Variants in HCN1 observed in about 807,000 individuals in gnomAD.
HCN1 encodes potassium/sodium hyperpolarization-activated cyclic nucleotide-gated channel 1.
Under a neutral mutation model 78.9 loss-of-function variants are expected in HCN1, and 13 were observed. The observed-to-expected ratio is 0.16, with a 90% CI of 0.11 to 0.26. The LOEUF (loss-of-function observed/expected upper bound fraction) is 0.26. HCN1 is among the 10% of genes least tolerant of loss of function. The probability of loss-of-function intolerance (pLI) is 1.00; values close to 1 mark genes in which losing one functional copy is unlikely to be tolerated. For synonymous variants in HCN1, 552 were observed against 455.5 expected, an observed-to-expected ratio of 1.21 and a Z score of -2.70; for missense variants, 810 against 1,154.3, an observed-to-expected ratio of 0.70 and a Z score of 4.32.
At chr5:45,443,295 A>T (rs979587316) in intron 3 of HCN1, among the ~76,000 whole-genome samples, 2 of 152,080 alleles carry the variant, frequency 1.3e-5, no homozygotes, top group African/African-American at 4.8e-5. Context: ...ACTATCAGGT[A>T]CTTTCTCCAT....
chr5:45,375,274 A>T (rs1309288113), intron 4 of HCN1, among the ~76,000 whole-genome samples: 9 of 119,214 alleles, frequency 7.5e-5, no homozygotes, highest in Non-Finnish European at 1.1e-4. Flanking sequence ...TATAATATAT[A>T]ATATATTATA....
intron 6 of HCN1, among the ~76,000 whole-genome samples, chr5:45,295,076 T>A (rs941440971): frequency 6.6e-6 from 1 of 151,848 alleles, no homozygotes; most frequent in Non-Finnish European, 1.5e-5. Context: ...CCATCACTCC[T>A]TGAGCACCCC....
intron 2 of HCN1, among the ~76,000 whole-genome samples, chr5:45,483,933 T>C (rs1414387499): frequency 6.6e-6 from 1 of 152,184 alleles, no homozygotes; most frequent in African/African-American, 2.4e-5. Context: ...TTTGTAGGTG[T>C]GCAACTTTAT....
intron 1 of HCN1, among the ~76,000 whole-genome samples, chr5:45,645,961 G>T (rs1348785403): frequency 6.6e-6 from 1 of 151,864 alleles, no homozygotes; most frequent in African/African-American, 2.4e-5. Context: ...AGAAGTATAA[G>T]ATTAGAAGAT....
intron 2 of HCN1, among the ~76,000 whole-genome samples, chr5:45,540,881 C>T (rs1004538593): frequency 3.3e-5 from 5 of 151,904 alleles, no homozygotes; most frequent in African/African-American, 1.2e-4. Context: ...CATTTTCAAT[C>T]GCATGTTCTT....
intron 6 of HCN1, among the ~76,000 whole-genome samples, chr5:45,296,412 A>C (rs1219565011): frequency 6.6e-6 from 1 of 151,966 alleles, no homozygotes; most frequent in African/African-American, 2.4e-5. Flanking sequence ...ATATTAAAAA[A>C]ATGAAAGAAA....
intron 2 of HCN1, among the ~76,000 whole-genome samples, chr5:45,462,623 T>A (rs2111629009): frequency 6.6e-6 from 1 of 152,210 alleles, no homozygotes; most frequent in South Asian, 2.1e-4. Context: ...AAATCATAAC[T>A]ATTTCCATAA....
In HCN1 at chr5:45,396,680, C is replaced by T. The variant is rs1333872397; in HGVS notation, c.1042G>A (p.Ala348Thr). The T allele has an allele frequency of 1.9e-6, 3 of 1,613,436 alleles. No individual in the cohort carries two copies. The highest frequency in any genetic ancestry group is 2.5e-6 in the Non-Finnish European group (3 of 1,179,680). Residue 348 changes from alanine to threonine, a missense_variant, in exon 4 of 8, where the codon GCA (alanine) becomes ACA (threonine). Physicochemically the swap from Ala to Thr is moderately conservative, Grantham distance 58. Around this residue, in one of 6 missense-constraint regions of HCN1, gnomAD observed 104 missense variants for 402.8 expected, o/e 0.26. Coordinates refer to ENST00000303230, the MANE Select transcript of HCN1 (RefSeq NM_021072.4). ...ATGTGACTCATAGCTTTGAAGAGTGCGTATGAATACTGCTTTCCCCAAGAA... is the reference window on the plus strand; with the variant it reads ...ATGTGACTCATAGCTTTGAAGAGTGTGTATGAATACTGCTTTCCCCAAGAA... ...NDSWGKQYSY[A>T]LFKAMSHMLC... is the part of the protein sequence containing the mutation.
chr5:45,469,040 G>T (rs548199313), intron 2 of HCN1, among the ~76,000 whole-genome samples: 57 of 152,000 alleles, frequency 3.8e-4, no homozygotes, highest in Middle Eastern at 6.8e-3. Flanking sequence ...AAAATGTTTT[G>T]ATAGGTGACA....
chr5:45,611,542 G>A (rs1744837533), intron 2 of HCN1, among the ~76,000 whole-genome samples: 1 of 151,680 alleles, frequency 6.6e-6, no homozygotes, highest in Admixed American at 6.6e-5. Flanking sequence ...AAAGTTCTGG[G>A]ATTACATGCA....
chr5:45,491,617 CAGT>C (rs1741888279), intron 2 of HCN1, among the ~76,000 whole-genome samples: 1 of 152,032 alleles, frequency 6.6e-6, no homozygotes. Context: ...CTTATTCTGC[CAGT>C]AGTTTATGGG....
At chr5:45,612,686 T>C (rs1016114397) in intron 2 of HCN1, among the ~76,000 whole-genome samples, 1 of 152,126 alleles carries the variant, frequency 6.6e-6, no homozygotes, top group Non-Finnish European at 1.5e-5. Context: ...ACCCTGAAAG[T>C]GAAGAGTACA....
chr5:45,568,078 C>G (rs575386227), intron 2 of HCN1, among the ~76,000 whole-genome samples: 46 of 152,040 alleles, frequency 3.0e-4, no homozygotes, highest in Admixed American at 1.2e-3. Context: ...TCACGTGCAG[C>G]CAGGATTTTT....
At chr5:45,388,365 T>C (rs931582096) in intron 4 of HCN1, among the ~76,000 whole-genome samples, 1 of 152,086 alleles carries the variant, frequency 6.6e-6, no homozygotes, top group African/African-American at 2.4e-5. Context: ...CAATAAACCA[T>C]GAGAAGAAGT....
At chr5:45,494,171 G>T (rs1172582985) in intron 2 of HCN1, among the ~76,000 whole-genome samples, 1 of 152,028 alleles carries the variant, frequency 6.6e-6, no homozygotes, top group African/African-American at 2.4e-5. Flanking sequence ...CTGAGGAATC[G>T]CCACACTGAC....
intron 1 of HCN1, among the ~76,000 whole-genome samples, chr5:45,665,546 A>T (rs1415258927): frequency 6.6e-6 from 1 of 152,090 alleles, no homozygotes; most frequent in Non-Finnish European, 1.5e-5. Context: ...AGCAAACAAC[A>T]AAAACAGAAA....
chr5:45,370,727 G>GC (rs1313256260), intron 4 of HCN1, among the ~76,000 whole-genome samples: 1 of 151,808 alleles, frequency 6.6e-6, no homozygotes, highest in Non-Finnish European at 1.5e-5. Context: ...ATTGTCATGC[G>GC]CCAGCAATAA....
intron 5 of HCN1, among the ~76,000 whole-genome samples, chr5:45,319,696 G>GT (rs535543948): frequency 1.2e-3 from 176 of 144,146 alleles, no homozygotes; most frequent in Admixed American, 2.4e-3. Flanking sequence ...TTGTTTCCTG[G>GT]TTTTTTTTTT....
intron 1 of HCN1, among the ~76,000 whole-genome samples, chr5:45,653,076 G>C (rs1186305375): frequency 6.6e-6 from 1 of 151,862 alleles, no homozygotes. Flanking sequence ...TCCCAATTCG[G>C]TACCTGGAAT....
Sources: allele counts gnomAD v4.1 joint callset (sites outside exome capture counted in the v4.1 genomes callset), GRCh38; gene constraint gnomAD v4.1.1; regional missense constraint gnomAD v4.1.1; transcripts MANE v1.5; gene names NCBI Gene and HGNC (gene_info 2026-07-23, HGNC 2026-07-21).